ASTN2: variants seen among roughly 807,000 people sequenced by gnomAD.
ASTN2 encodes the protein astrotactin 2.
In ASTN2, 54 loss-of-function variants were observed where a neutral mutation model predicts 139.8. That is an observed-to-expected ratio of 0.39 (90% CI 0.31 to 0.48). The LOEUF (loss-of-function observed/expected upper bound fraction) is 0.48, where lower values mean the gene tolerates loss of function less well. ASTN2 is among the 20% of genes least tolerant of loss of function. ASTN2 has a pLI of 0.95. For missense variants in ASTN2, 1,565 were observed against 1,725.1 expected, an observed-to-expected ratio of 0.91 and a Z score of 1.64; for synonymous variants, 756 against 719.5, an observed-to-expected ratio of 1.05 and a Z score of -0.81.
At chr9:116,745,451 C>A (rs1023488917) in intron 13 of ASTN2, among the ~76,000 whole-genome samples, 3 of 152,206 alleles carry the variant, frequency 2.0e-5, no homozygotes, top group African/African-American at 7.2e-5. Flanking sequence ...CACTGAGTCC[C>A]TTCTTTGGAA....
intron 13 of ASTN2, among the ~76,000 whole-genome samples, chr9:116,741,797 C>A (rs1255735745): frequency 6.6e-6 from 1 of 152,162 alleles, no homozygotes; most frequent in African/African-American, 2.4e-5. Flanking sequence ...TTGGTACCAG[C>A]CCACCCTGAA....
intron 16 of ASTN2, among the ~76,000 whole-genome samples, chr9:116,669,207 C>T (rs1277710519): frequency 6.6e-6 from 1 of 152,182 alleles, no homozygotes; most frequent in African/African-American, 2.4e-5. Context: ...GAAGTTACCA[C>T]CCTTATCCTA....
intron 4 of ASTN2, among the ~76,000 whole-genome samples, chr9:117,135,927 G>A (rs573039147): frequency 8.1e-4 from 124 of 152,286 alleles, no homozygotes; most frequent in Middle Eastern, 3.4e-3. Flanking sequence ...GACACAATGG[G>A]TTGGGGGTCA....
intron 16 of ASTN2, among the ~76,000 whole-genome samples, chr9:116,658,247 T>G (rs1270215040): frequency 6.6e-6 from 1 of 152,160 alleles, no homozygotes; most frequent in African/African-American, 2.4e-5. Context: ...CTTGGATATA[T>G]TCTCAGCAAC....
chr9:117,209,082 C>T (rs1171083134), intron 3 of ASTN2, among the ~76,000 whole-genome samples: 2 of 152,038 alleles, frequency 1.3e-5, no homozygotes, highest in Non-Finnish European at 2.9e-5. Context: ...AGAAAGGAAT[C>T]AAACCTTATC....
intron 10 of ASTN2, among the ~76,000 whole-genome samples, chr9:116,955,888 G>A (rs1262428349): frequency 6.6e-6 from 1 of 152,126 alleles, no homozygotes; most frequent in East Asian, 1.9e-4. Flanking sequence ...CTGCATGCAG[G>A]AGTTTCAGCT....
intron 10 of ASTN2, among the ~76,000 whole-genome samples, chr9:116,971,159 T>C (rs537441003): frequency 6.6e-6 from 1 of 152,340 alleles, no homozygotes; most frequent in Admixed American, 6.5e-5. Context: ...AATTAAAATA[T>C]ATCTGTATGC....
chr9:117,031,221 C>T (rs947099193), intron 6 of ASTN2, among the ~76,000 whole-genome samples: 3 of 152,106 alleles, frequency 2.0e-5, no homozygotes, highest in Admixed American at 6.6e-5. Context: ...AAGAGGCAGC[C>T]TCAGACCTCC....
chr9:116,888,709 A>T (rs1463753864), intron 10 of ASTN2, among the ~76,000 whole-genome samples: 1 of 151,976 alleles, frequency 6.6e-6, no homozygotes, highest in Non-Finnish European at 1.5e-5. Context: ...TTAAAAAAAA[A>T]AATAAGTTCT....
At chr9:117,294,674 G>T (rs150406557) in intron 1 of ASTN2, among the ~76,000 whole-genome samples, 1 of 152,246 alleles carries the variant, frequency 6.6e-6, no homozygotes, top group South Asian at 2.1e-4. Context: ...CCATGTTACT[G>T]TCCATACACA....
intron 10 of ASTN2, among the ~76,000 whole-genome samples, chr9:116,893,857 A>G (rs1229466571): frequency 6.6e-6 from 1 of 152,120 alleles, no homozygotes; most frequent in Admixed American, 6.5e-5. Context: ...TGATTTAGGG[A>G]TACCAAGAGA....
intron 1 of ASTN2, among the ~76,000 whole-genome samples, chr9:117,330,960 G>GC (rs1183888770): frequency 6.6e-6 from 1 of 152,146 alleles, no homozygotes; most frequent in African/African-American, 2.4e-5. Flanking sequence ...GAGAATTCAG[G>GC]CCATGCACAA....
chr9:117,187,484 G>T (rs2132959573), intron 3 of ASTN2, among the ~76,000 whole-genome samples: 1 of 152,330 alleles, frequency 6.6e-6, no homozygotes, highest in South Asian at 2.1e-4. Flanking sequence ...GGGCCTTTGA[G>T]AAGTGATTGG....
chr9:116,786,264 C>T (rs930240539), intron 13 of ASTN2, among the ~76,000 whole-genome samples: 8 of 152,178 alleles, frequency 5.3e-5, no homozygotes, highest in Non-Finnish European at 7.3e-5. Context: ...CTAAAACCCT[C>T]TAGTACCCTT....
At chr9:116,975,367 TG>T in intron 9 of ASTN2, 22 bp from the exon 10 acceptor site, 1 of 1,578,696 alleles carries the variant, frequency 6.3e-7, no homozygotes, top group South Asian at 1.2e-5. Flanking sequence ...GAGTTTCCAT[TG>T]GGGAACTCCC....
At chr9:116,947,150 T>C (rs1835422670) in intron 10 of ASTN2, among the ~76,000 whole-genome samples, 1 of 152,136 alleles carries the variant, frequency 6.6e-6, no homozygotes, top group Non-Finnish European at 1.5e-5. Context: ...GGTTTTAGAA[T>C]CTGACAGTTC....
intron 13 of ASTN2, among the ~76,000 whole-genome samples, chr9:116,775,479 G>A (rs1229525917): frequency 1.5e-5 from 2 of 131,854 alleles, no homozygotes; most frequent in Non-Finnish European, 3.2e-5. Flanking sequence ...GGCAGATGGG[G>A]AAGAAGGGAG....
intron 3 of ASTN2, among the ~76,000 whole-genome samples, chr9:117,194,954 CCATTCATT>C (rs61477567): frequency 3.3e-5 from 5 of 151,432 alleles, no homozygotes; most frequent in Middle Eastern, 3.4e-3. Flanking sequence ...ATCCATCAGT[CCATTCATT>C]CATTCATTCA....
chr9:117,095,097 C>T (rs1828807599), intron 5 of ASTN2, among the ~76,000 whole-genome samples: 2 of 152,196 alleles, frequency 1.3e-5, no homozygotes. Flanking sequence ...ACCAGTTTCC[C>T]TGCCACATGA....
Sources: allele counts gnomAD v4.1 joint callset (sites outside exome capture counted in the v4.1 genomes callset), GRCh38; gene constraint gnomAD v4.1.1; transcripts MANE v1.5; gene names NCBI Gene and HGNC (gene_info 2026-07-23, HGNC 2026-07-21).